The following HDAC4 variants were observed in gnomAD, a reference collection of about 807,000 sequenced individuals.
HDAC4 encodes histone deacetylase 4, also known as histone deacetylase A.
HDAC4 carries 16 observed loss-of-function variants against 135.1 expected under a neutral mutation model. That is an observed-to-expected ratio of 0.12 (90% CI 0.08 to 0.18). The LOEUF is 0.18. Among genes scored for constraint, HDAC4 ranks in the 10% least tolerant of loss-of-function variants. The probability of loss-of-function intolerance (pLI) is 1.00; values close to 1 mark genes in which losing one functional copy is unlikely to be tolerated. For synonymous variants in HDAC4, 685 were observed against 653.4 expected (o/e 1.05, Z -0.74); for missense variants, 1,143 against 1,511.8 (o/e 0.76, Z 4.05).
intron 15 of HDAC4, 27 bp downstream of exon 15, chr2:239,108,023 C>G (rs771424278): frequency 1.6e-5 from 25 of 1,610,238 alleles, no homozygotes; most frequent in Non-Finnish European, 2.1e-5. Flanking sequence ...AAAGCCGCAG[C>G]TGCCCACCTG....
chr2:239,165,430 G>C (rs1322364841), intron 5 of HDAC4, among the ~76,000 whole-genome samples: 5 of 152,102 alleles, frequency 3.3e-5, no homozygotes, highest in Non-Finnish European at 7.4e-5. Flanking sequence ...TCATGTCCTT[G>C]GCTTATGTGT....
At position 239,400,075 on chromosome 2, in the gene HDAC4, TTA is replaced by T. The variant is rs1246688642; in HGVS notation, c.-220+901_-220+902del. ...TCAATGTAAATACGAGATAATTTGC[TTA>T]TGATTCCGTGGTGTGTTTTCGCAAC... On this transcript the variant is annotated intron_variant, in intron 1 of 26. Coordinates refer to ENST00000543185, the MANE Select transcript of HDAC4 (RefSeq NM_001378414.1). This position sits in a 1 kb window ranked among gnomAD's most constrained non-coding sequence, Gnocchi z 4.7. Among the ~76,000 whole-genome samples the T allele has an allele frequency of 2.0e-5, 3 of 152,016 alleles. No individual in the cohort carries two copies. Among genetic ancestry groups the T allele is most frequent in the Non-Finnish European group, 4.4e-5 (3 of 67,986 alleles).
intron 7 of HDAC4, among the ~76,000 whole-genome samples, chr2:239,156,039 T>G (rs1246647995): frequency 1.3e-5 from 2 of 152,214 alleles, no homozygotes; most frequent in Non-Finnish European, 2.9e-5. Context: ...CGTCCTGACT[T>G]GCCAGACACT....
At chr2:239,192,918 A>G (rs565596920) in intron 3 of HDAC4, among the ~76,000 whole-genome samples, 1 of 152,374 alleles carries the variant, frequency 6.6e-6, no homozygotes, top group African/African-American at 2.4e-5. Context: ...TAGAAAAACA[A>G]AATAGCATCA....
At chr2:239,379,214 G>A (rs760335202) in intron 1 of HDAC4, among the ~76,000 whole-genome samples, 11 of 152,278 alleles carry the variant, frequency 7.2e-5, no homozygotes, top group Non-Finnish European at 1.5e-4. Context: ...CCAGCCAGGG[G>A]GAGTGGGCGC....
intron 3 of HDAC4, chr2:239,191,076 G>A: frequency 4.5e-6 from 2 of 445,184 alleles, no homozygotes; most frequent in Admixed American, 2.4e-5. Flanking sequence ...GTCCAAGTGA[G>A]AGCCCAGCCT....
chr2:239,235,181 A>T (rs796490534), intron 3 of HDAC4, among the ~76,000 whole-genome samples: 6 of 151,866 alleles, frequency 4.0e-5, no homozygotes, highest in African/African-American at 1.5e-4. Flanking sequence ...AACAGACAGA[A>T]AGGAGCCCCC....
intron 2 of HDAC4, among the ~76,000 whole-genome samples, chr2:239,296,268 A>C (rs1279325259): frequency 2.0e-5 from 3 of 152,256 alleles, no homozygotes; most frequent in Non-Finnish European, 4.4e-5. Flanking sequence ...GGATGTGCTT[A>C]GCTGTATGTG....
chr2:239,144,032 T>A (rs947885602), intron 8 of HDAC4, among the ~76,000 whole-genome samples: 1 of 152,030 alleles, frequency 6.6e-6, no homozygotes, highest in Non-Finnish European at 1.5e-5. Flanking sequence ...GATGGGGGTC[T>A]GCTCGGTCTT....
intron 3 of HDAC4, among the ~76,000 whole-genome samples, chr2:239,230,130 G>T (rs1286773422): frequency 6.6e-6 from 1 of 152,074 alleles, no homozygotes; most frequent in Non-Finnish European, 1.5e-5. Context: ...ACGCTGGTCA[G>T]CTGGGCCTGA....
intron 2 of HDAC4, among the ~76,000 whole-genome samples, chr2:239,322,245 T>C (rs778126799): frequency 3.8e-4 from 58 of 152,258 alleles, no homozygotes; most frequent in Non-Finnish European, 4.8e-4. Flanking sequence ...GAAGGCCCCC[T>C]GTCTCCAGAT....
intron 2 of HDAC4, among the ~76,000 whole-genome samples, chr2:239,336,200 T>C (rs183131272): frequency 6.6e-6 from 1 of 152,292 alleles, no homozygotes; most frequent in African/African-American, 2.4e-5. Context: ...AAGTGGTATC[T>C]AGAGGGTGTG....
chr2:239,368,347 G>C (rs773410601), intron 1 of HDAC4, among the ~76,000 whole-genome samples: 14 of 152,166 alleles, frequency 9.2e-5, no homozygotes, highest in Middle Eastern at 3.2e-3. Flanking sequence ...CTAGCAAAGG[G>C]GGCGATGAGA....
intron 5 of HDAC4, among the ~76,000 whole-genome samples, chr2:239,164,789 C>T (rs966315229): frequency 2.6e-5 from 4 of 152,244 alleles, no homozygotes; most frequent in Admixed American, 6.5e-5. Flanking sequence ...TTAGAAACCA[C>T]GCTGCAGTGA....
At chr2:239,336,586 G>A (rs1691955502) in intron 2 of HDAC4, among the ~76,000 whole-genome samples, 1 of 152,166 alleles carries the variant, frequency 6.6e-6, no homozygotes, top group Non-Finnish European at 1.5e-5. Flanking sequence ...AGCCATTCAT[G>A]AACAAACATT....
chr2:239,066,691 G>A (rs1388941040), intron 24 of HDAC4, 31 bp downstream of exon 24: 1 of 1,612,800 alleles, frequency 6.2e-7, no homozygotes. Context: ...TCAGTGTGGA[G>A]CATCCTGTGG....
intron 3 of HDAC4, among the ~76,000 whole-genome samples, chr2:239,193,039 G>A (rs1210266830): frequency 6.6e-6 from 1 of 152,220 alleles, no homozygotes; most frequent in Admixed American, 6.5e-5. Context: ...GAACAAATAA[G>A]CACAGGGAAT....
At chr2:239,157,036 C>T (rs2042466909) in intron 6 of HDAC4, among the ~76,000 whole-genome samples, 1 of 152,222 alleles carries the variant, frequency 6.6e-6, no homozygotes, top group Admixed American at 6.5e-5. Context: ...TGGCCGTTTT[C>T]CTGGTGGCTG....
intron 3 of HDAC4, among the ~76,000 whole-genome samples, chr2:239,214,628 G>A (rs772920403): frequency 6.6e-5 from 10 of 152,272 alleles, no homozygotes; most frequent in Admixed American, 1.3e-4. Context: ...CTCGCCACGC[G>A]TGGCAATGCT....
Sources: allele counts gnomAD v4.1 joint callset (sites outside exome capture counted in the v4.1 genomes callset), GRCh38; gene constraint gnomAD v4.1.1; non-coding constraint Gnocchi (gnomAD v3.1); transcripts MANE v1.5; gene names NCBI Gene and HGNC (gene_info 2026-07-23, HGNC 2026-07-21).